Variants in KPNA7 observed in about 807,000 individuals in gnomAD.
The protein encoded by KPNA7 is karyopherin subunit alpha 7.
Under a neutral mutation model 53.7 loss-of-function variants are expected in KPNA7, and 54 were observed. The ratio of observed to expected loss-of-function variants is 1.01; its 90% CI spans 0.81 to 1.26. The LOEUF is 1.26. Ranked by LOEUF, KPNA7 falls within the 50% of genes most tolerant of loss-of-function variation. The pLI, the probability that KPNA7 is intolerant of heterozygous loss-of-function variation, is 0.00. For synonymous variants in KPNA7, 276 were observed against 259.3 expected (o/e 1.06, Z -0.62); for missense variants, 640 against 644.5 (o/e 0.99, Z 0.07).
At chr7:99,201,637 T>C (rs1305714919) in intron 3 of KPNA7, among the ~76,000 whole-genome samples, 8 of 147,294 alleles carry the variant, frequency 5.4e-5, no homozygotes, top group East Asian at 4.2e-4. Flanking sequence ...CACTCCAGCC[T>C]GGGCGACAGA....
intron 8 of KPNA7, 148 bp downstream of exon 8, chr7:99,184,781 T>C (rs1052005899): frequency 1.4e-6 from 1 of 697,614 alleles, no homozygotes; most frequent in Non-Finnish European, 2.5e-6. Context: ...CCCCTTCCTT[T>C]TTTTCAGGCA....
the KPNA7 span, among the ~76,000 whole-genome samples, chr7:99,164,062 T>C: frequency 0.011 from 1,727 of 150,504 alleles, 34 homozygotes; most frequent in African/African-American, 0.041. Context: ...AGTTCAACCA[T>C]TGTGGAAGTC....
chr7:99,188,532 A>G lies in KPNA7; in HGVS notation c.668T>C (p.Leu223Ser). Residue 223 changes from leucine to serine, a missense_variant, in exon 7 of 11, where the codon TTG becomes TCG. Leu to Ser is a moderately radical substitution (Grantham distance 145). Transcript: ENST00000327442. The part of the protein sequence containing the change: ...ITFLRNITWT[L>S]SNLCRNKNPY... ...GTTCTTGTTTCGGCACAGATTCGAC[A>G]AGGTCCACGTGATGTTCCGCAGAAA... The G allele has an allele frequency of 1.3e-6, 2 of 1,551,652 alleles. No individual in the cohort carries two copies. The highest frequency in any genetic ancestry group is 1.7e-6 in the Non-Finnish European group (2 of 1,146,960).
At chr7:99,163,791 T>C in the KPNA7 span, among the ~76,000 whole-genome samples, 1 of 152,158 alleles carries the variant, frequency 6.6e-6, no homozygotes, top group African/African-American at 2.4e-5. Context: ...GGACTTAATC[T>C]TTTGGATTTA....
chr7:99,202,039 A>G (rs1434094094), intron 3 of KPNA7, among the ~76,000 whole-genome samples: 1 of 151,828 alleles, frequency 6.6e-6, no homozygotes, highest in Non-Finnish European at 1.5e-5. Flanking sequence ...CCATCCTTGG[A>G]TGGGGGGATT....
At chr7:99,170,065 T>G (rs919166069), downstream of KPNA7, among the ~76,000 whole-genome samples, 2 of 152,084 alleles carry the variant, frequency 1.3e-5, no homozygotes, top group Non-Finnish European at 1.5e-5. Flanking sequence ...GCTCTGATCG[T>G]TGGGATCACT....
At chr7:99,210,267 C>T (rs888234411), upstream of KPNA7, among the ~76,000 whole-genome samples, 10 of 152,146 alleles carry the variant, frequency 6.6e-5, no homozygotes, top group Non-Finnish European at 1.5e-4. Context: ...CTTGGCTCCT[C>T]TTCATTCAGT....
chr7:99,175,815 A>C (rs1403567583), intron 10 of KPNA7, among the ~76,000 whole-genome samples: 1 of 151,976 alleles, frequency 6.6e-6, no homozygotes, highest in Non-Finnish European at 1.5e-5. Context: ...CCCAGCCGAG[A>C]GCATCATCTT....
chr7:99,213,418 C>A (rs1791125300), intron 1 of KPNA7, among the ~76,000 whole-genome samples: 1 of 130,574 alleles, frequency 7.7e-6, no homozygotes, highest in Non-Finnish European at 1.6e-5. Context: ...TGAGCCACTG[C>A]ACCTGGCCTT....
At chr7:99,171,043 G>A (rs368795279), downstream of KPNA7, among the ~76,000 whole-genome samples, 14 of 151,962 alleles carry the variant, frequency 9.2e-5, no homozygotes, top group East Asian at 7.8e-4. Context: ...GTGAAACCCC[G>A]TCTCTACTAA....
At chr7:99,187,764 T>G (rs1789674655) in intron 7 of KPNA7, among the ~76,000 whole-genome samples, 1 of 148,198 alleles carries the variant, frequency 6.7e-6, no homozygotes, top group African/African-American at 2.5e-5. Flanking sequence ...TTTGTATTTT[T>G]ACAGCTGTGA....
chr7:99,186,107 C>T (rs1046744951), intron 7 of KPNA7, among the ~76,000 whole-genome samples: 1 of 152,114 alleles, frequency 6.6e-6, no homozygotes, highest in Non-Finnish European at 1.5e-5. Flanking sequence ...TACTCTTTAT[C>T]GTATAATGAC....
chr7:99,165,685 A>G, the KPNA7 span, among the ~76,000 whole-genome samples: 1 of 152,168 alleles, frequency 6.6e-6, no homozygotes, highest in Non-Finnish European at 1.5e-5. Context: ...TTGGTGTGAC[A>G]CTTCTGAGCC....
At chr7:99,188,791 C>T (rs1192385316) in intron 6 of KPNA7, among the ~76,000 whole-genome samples, 3 of 151,938 alleles carry the variant, frequency 2.0e-5, no homozygotes, top group African/African-American at 7.3e-5. Flanking sequence ...GATTCTCCTC[C>T]CTCAGCCTCC....
At chr7:99,211,911 G>A (rs997766713), upstream of KPNA7, among the ~76,000 whole-genome samples, 13 of 152,164 alleles carry the variant, frequency 8.5e-5, no homozygotes, top group South Asian at 2.1e-4. Flanking sequence ...CCAGAGAGGT[G>A]GAGGGTGACA....
intron 9 of KPNA7, among the ~76,000 whole-genome samples, chr7:99,178,911 T>C (rs1440253271): frequency 2.0e-5 from 3 of 152,004 alleles, no homozygotes; most frequent in Non-Finnish European, 4.4e-5. Context: ...GTTTCCCAAG[T>C]TGCTGAAACT....
chr7:99,188,247 A>G (rs1252675523), intron 7 of KPNA7, 53 bp downstream of exon 7: 22 of 1,529,588 alleles, frequency 1.4e-5, no homozygotes, highest in Middle Eastern at 1.9e-4. Flanking sequence ...AGAACCTGCT[A>G]AAGTGACTAT....
rs185798246 is a variant in KPNA7, at chr7:99,186,572, G to A, written c.901-1410C>T. 1.1e-3 allele frequency among the ~76,000 whole-genome samples: 170 copies of A among 152,136 alleles called. 1 individual carries two copies. The highest frequency in any genetic ancestry group is 4.0e-3 in the African/African-American group (165 of 41,504). On this transcript the variant is annotated intron_variant, in intron 7 of 10. Transcript: ENST00000327442. Reference sequence around the variant, plus strand: ...AGCCTGGCCAACATGGGGAAACACCGTCTCTACTAAAAATACAAAAATTAG... The same window carrying A: ...AGCCTGGCCAACATGGGGAAACACCATCTCTACTAAAAATACAAAAATTAG...
intron 2 of KPNA7, among the ~76,000 whole-genome samples, chr7:99,205,259 CA>C (rs2150774117): frequency 6.7e-6 from 1 of 148,788 alleles, no homozygotes; most frequent in South Asian, 2.1e-4. Flanking sequence ...CCATCTCTAC[CA>C]AAATGCAAAA....
Sources: allele counts gnomAD v4.1 joint callset (sites outside exome capture counted in the v4.1 genomes callset), GRCh38; gene constraint gnomAD v4.1.1; transcripts MANE v1.5; gene names NCBI Gene and HGNC (gene_info 2026-07-23, HGNC 2026-07-21).